TRAPPC9: variants seen among roughly 807,000 people sequenced by gnomAD.
TRAPPC9 encodes the protein IKK2 binding protein.
TRAPPC9 carries 83 observed loss-of-function variants against 124.0 expected under a neutral mutation model. The observed-to-expected ratio is 0.67, with a 90% confidence interval of 0.56 to 0.80. The LOEUF (loss-of-function observed/expected upper bound fraction) is 0.80. Ranked by LOEUF, TRAPPC9 falls within the 30% of genes least tolerant of loss-of-function variation. TRAPPC9 has a pLI of 0.00. For missense variants in TRAPPC9, 1,302 were observed against 1,508.3 expected (o/e 0.86, Z 2.27); for synonymous variants, 638 against 617.5 (o/e 1.03, Z -0.49).
At chr8:139,842,024 G>C (rs942275868) in intron 21 of TRAPPC9, among the ~76,000 whole-genome samples, 1 of 152,234 alleles carries the variant, frequency 6.6e-6, no homozygotes, top group African/African-American at 2.4e-5. Context: ...ACAGCAGTGT[G>C]AGTCCAGCTG....
chr8:139,843,415 T>C (rs911572968), intron 21 of TRAPPC9, among the ~76,000 whole-genome samples: 2 of 152,144 alleles, frequency 1.3e-5, no homozygotes, highest in Non-Finnish European at 2.9e-5. Flanking sequence ...TCAAGTGAAC[T>C]TGGACTCCTC....
chr8:140,215,504 G>A (rs922510919), intron 17 of TRAPPC9, among the ~76,000 whole-genome samples: 7 of 152,004 alleles, frequency 4.6e-5, no homozygotes, highest in Non-Finnish European at 1.0e-4. Flanking sequence ...AAATGAGCTG[G>A]TCCTGGTGGC....
At chr8:139,852,349 A>G (rs1246385329) in intron 21 of TRAPPC9, among the ~76,000 whole-genome samples, 3 of 152,212 alleles carry the variant, frequency 2.0e-5, no homozygotes, top group Admixed American at 1.3e-4. Flanking sequence ...TTCACACTCC[A>G]GAACACTAGT....
chr8:139,950,141 C>T (rs187701973), intron 19 of TRAPPC9, among the ~76,000 whole-genome samples: 16 of 152,284 alleles, frequency 1.1e-4, no homozygotes, highest in African/African-American at 3.1e-4. Context: ...GTGGGGGAAG[C>T]GGGGCGTGTG....
chr8:140,194,405 T>C (rs546987224), intron 17 of TRAPPC9, among the ~76,000 whole-genome samples: 9 of 152,322 alleles, frequency 5.9e-5, no homozygotes, highest in Admixed American at 5.2e-4. Flanking sequence ...AGATTTATTA[T>C]ACCTAATAAA....
chr8:139,925,216 GA>G (rs1236886674), intron 19 of TRAPPC9, among the ~76,000 whole-genome samples: 1 of 152,108 alleles, frequency 6.6e-6, no homozygotes, highest in African/African-American at 2.4e-5. Context: ...CCACAGTGTG[GA>G]AAAAAATGCC....
At chr8:140,229,045 A>G (rs2063520623) in intron 16 of TRAPPC9, among the ~76,000 whole-genome samples, 1 of 152,126 alleles carries the variant, frequency 6.6e-6, no homozygotes, top group African/African-American at 2.4e-5. Context: ...AATGACGGTG[A>G]CAAACACATT....
At chr8:140,364,916 G>C (rs1016606951) in intron 8 of TRAPPC9, among the ~76,000 whole-genome samples, 1 of 151,468 alleles carries the variant, frequency 6.6e-6, no homozygotes, top group Non-Finnish European at 1.5e-5. Context: ...TTTAGGGCTT[G>C]TCCAGTTATT....
chr8:140,086,659 TGCCTGTAATCCCAGCACTTTGGGCG>T (rs1844204210), intron 17 of TRAPPC9, among the ~76,000 whole-genome samples: 1 of 152,192 alleles, frequency 6.6e-6, no homozygotes, highest in South Asian at 2.1e-4. Flanking sequence ...TGGTGGCTCA[TGCCTGTAATCCCAGCACTTTGGGCG>T]GCCGAGGCTT....
intron 18 of TRAPPC9, among the ~76,000 whole-genome samples, chr8:139,993,352 C>A (rs1440621096): frequency 6.6e-6 from 1 of 152,116 alleles, no homozygotes; most frequent in Non-Finnish European, 1.5e-5. Context: ...TGGAAATAAA[C>A]CCCAAGAGTA....
Position 140,082,382 on chromosome 8 carries a change from T to A in TRAPPC9, c.2557-58303A>T, listed in dbSNP as rs186210870. Among the ~76,000 whole-genome samples the A allele has an allele frequency of 3.8e-3, 577 of 152,070 alleles. 2 individuals are homozygous for A. Among genetic ancestry groups the A allele is most frequent in the Middle Eastern group, 0.017 (5 of 294 alleles). Reference sequence around the variant, plus strand: ...TTTTTTTCCTCGACACAAATATAACTCCATCCCAGCTTGCCCCAGTGAGAA... The same window carrying A: ...TTTTTTTCCTCGACACAAATATAACACCATCCCAGCTTGCCCCAGTGAGAA... On this transcript the variant is annotated intron_variant, in intron 17 of 22. Transcript: ENST00000438773.
At chr8:139,800,120 C>G (rs1563823049) in intron 21 of TRAPPC9, among the ~76,000 whole-genome samples, 2 of 152,264 alleles carry the variant, frequency 1.3e-5, no homozygotes, top group Admixed American at 1.3e-4. Context: ...GGGCATTGTA[C>G]TGGACGGGCC....
intron 15 of TRAPPC9, among the ~76,000 whole-genome samples, chr8:140,262,268 C>T (rs1333142855): frequency 6.6e-6 from 1 of 152,056 alleles, no homozygotes; most frequent in Non-Finnish European, 1.5e-5. Context: ...AGACCCCAAA[C>T]AACTAAGTGG....
chr8:139,895,414 T>C (rs992976742), intron 20 of TRAPPC9, among the ~76,000 whole-genome samples: 1 of 152,228 alleles, frequency 6.6e-6, no homozygotes, highest in African/African-American at 2.4e-5. Flanking sequence ...GGTGTTTGCA[T>C]GTACTTATTA....
intron 19 of TRAPPC9, among the ~76,000 whole-genome samples, chr8:139,975,214 G>A (rs2131629323): frequency 6.6e-6 from 1 of 152,342 alleles, no homozygotes; most frequent in East Asian, 1.9e-4. Context: ...ATACACAGGT[G>A]TGGCTTCTGG....
At chr8:139,927,766 T>C (rs1286463978) in intron 19 of TRAPPC9, among the ~76,000 whole-genome samples, 1 of 152,154 alleles carries the variant, frequency 6.6e-6, no homozygotes, top group African/African-American at 2.4e-5. Context: ...AATGAAATAC[T>C]CAACTACAAA....
chr8:139,851,333 A>G (rs75511797), intron 21 of TRAPPC9, among the ~76,000 whole-genome samples: 18,898 of 152,178 alleles, frequency 0.12, 1,218 homozygotes, highest in African/African-American at 0.13. Context: ...TGCTACTTTC[A>G]ACTGGAATTC....
chr8:139,940,204 C>A (rs1389776988), intron 19 of TRAPPC9, among the ~76,000 whole-genome samples: 1 of 152,148 alleles, frequency 6.6e-6, no homozygotes, highest in Non-Finnish European at 1.5e-5. Flanking sequence ...GGTTACTGCC[C>A]CCAAGTCTCT....
At chr8:140,138,419 G>T (rs2061336918) in intron 17 of TRAPPC9, among the ~76,000 whole-genome samples, 1 of 152,208 alleles carries the variant, frequency 6.6e-6, no homozygotes, top group Admixed American at 6.5e-5. Context: ...CTCCGGGTTT[G>T]TTAAGAAGGG....
Sources: allele counts gnomAD v4.1 joint callset (sites outside exome capture counted in the v4.1 genomes callset), GRCh38; gene constraint gnomAD v4.1.1; transcripts MANE v1.5; gene names NCBI Gene and HGNC (gene_info 2026-07-23, HGNC 2026-07-21).